Variants in NFASC observed in about 807,000 individuals in gnomAD.
The protein encoded by NFASC is neurofascin homolog.
A neutral mutation model predicts 147.5 loss-of-function variants in NFASC; 43 were observed. The ratio of observed to expected loss-of-function variants is 0.29; its 90% CI spans 0.23 to 0.38. NFASC has a LOEUF of 0.38. Among genes scored for constraint, NFASC ranks in the 10% least tolerant of loss-of-function variants. The pLI, the probability that NFASC is intolerant of heterozygous loss-of-function variation, is 1.00. For missense variants in NFASC, 1,320 were observed against 1,689.0 expected (o/e 0.78, Z 3.83); for synonymous variants, 622 against 665.5 (o/e 0.93, Z 1.01).
intron 1 of NFASC, among the ~76,000 whole-genome samples, chr1:204,847,002 A>G (rs2075234670): frequency 2.0e-5 from 3 of 148,306 alleles, no homozygotes; most frequent in Admixed American, 2.0e-4. Context: ...AGAGGGAGAA[A>G]AGAAGGTGTT....
intron 1 of NFASC, among the ~76,000 whole-genome samples, chr1:204,873,118 G>A (rs543565334): frequency 4.7e-5 from 7 of 150,306 alleles, no homozygotes; most frequent in African/African-American, 1.8e-4. Context: ...AATACTTCCT[G>A]ACAGTGAGGG....
intron 29 of NFASC, among the ~76,000 whole-genome samples, chr1:205,013,348 T>C (rs974537573): frequency 2.6e-5 from 4 of 152,026 alleles, no homozygotes; most frequent in Admixed American, 2.6e-4. Context: ...GAAGGTGGGG[T>C]GATTCCAGGT....
intron 1 of NFASC, among the ~76,000 whole-genome samples, chr1:204,837,046 G>A (rs1038394947): frequency 6.6e-6 from 1 of 152,270 alleles, no homozygotes; most frequent in African/African-American, 2.4e-5. Flanking sequence ...TGACTCAGAA[G>A]TGTGGCATGA....
chr1:204,876,018 T>C (rs968165279), intron 1 of NFASC, among the ~76,000 whole-genome samples: 4 of 152,206 alleles, frequency 2.6e-5, no homozygotes, highest in Admixed American at 1.3e-4. Flanking sequence ...TGGGATGTAT[T>C]GTCTTCCTTC....
intron 21 of NFASC, chr1:204,984,386 T>TATATATATATATATACGC (rs1553306647): frequency 1.4e-4 from 8 of 59,162 alleles, no homozygotes; most frequent in African/African-American, 4.7e-4. Context: ...TATACGCATA[T>TATATATATATATATACGC]ATATATATAT....
chr1:204,870,698 G>A, intron 1 of NFASC: 1 of 1,086,002 alleles, frequency 9.2e-7, no homozygotes, highest in Non-Finnish European at 1.1e-6. Flanking sequence ...GGCCGAGGGA[G>A]GGGTGAGTGG....
intron 1 of NFASC, among the ~76,000 whole-genome samples, chr1:204,919,510 G>A (rs1215136417): frequency 6.6e-6 from 1 of 152,070 alleles, no homozygotes; most frequent in Non-Finnish European, 1.5e-5. Flanking sequence ...AGGTATATAG[G>A]ATATATTTTA....
chr1:204,975,981 G>T lies in NFASC; in HGVS notation c.1706+563G>T, dbSNP rs1174203002. ...AAAGTCCCCCTGGGGGTTCCAGTGTGCATCAGGGTTGAGAACCACTGTTCC... is the reference window on the plus strand; with the variant it reads ...AAAGTCCCCCTGGGGGTTCCAGTGTTCATCAGGGTTGAGAACCACTGTTCC... On this transcript the variant is annotated intron_variant, in intron 15 of 29. Coordinates refer to ENST00000339876, the MANE Select transcript of NFASC (RefSeq NM_001005388.3). This position sits in a 1 kb window ranked among gnomAD's most constrained non-coding sequence, Gnocchi z 4.0. Among the ~76,000 whole-genome samples the T allele has an allele frequency of 6.6e-6, 1 of 152,116 alleles. No individual in the cohort carries two copies. The highest frequency in any genetic ancestry group is 1.5e-5 in the Non-Finnish European group (1 of 68,000).
At chr1:204,907,248 T>A (rs2086202453) in intron 1 of NFASC, among the ~76,000 whole-genome samples, 1 of 152,254 alleles carries the variant, frequency 6.6e-6, no homozygotes, top group Non-Finnish European at 1.5e-5. Flanking sequence ...TTGCCATACA[T>A]ATATCATCTT....
chr1:204,927,529 A>C (rs1255629791), intron 2 of NFASC, among the ~76,000 whole-genome samples: 5 of 152,238 alleles, frequency 3.3e-5, no homozygotes, highest in Non-Finnish European at 7.4e-5. Context: ...TTTTAATGCT[A>C]ATTCCAAGGC....
chr1:204,934,901 A>G (rs1328559327), intron 2 of NFASC, among the ~76,000 whole-genome samples: 2 of 152,198 alleles, frequency 1.3e-5, no homozygotes, highest in Non-Finnish European at 1.5e-5. Flanking sequence ...GGAGGATAGT[A>G]TGGGTGCTGG....
chr1:204,963,603 T>C (rs940780222), intron 8 of NFASC, among the ~76,000 whole-genome samples: 1 of 152,222 alleles, frequency 6.6e-6, no homozygotes, highest in African/African-American at 2.4e-5. Flanking sequence ...GTGGGACTTA[T>C]GAGATCCATC....
At chr1:205,007,713 A>G (rs1045671721) in intron 27 of NFASC, among the ~76,000 whole-genome samples, 16 of 152,182 alleles carry the variant, frequency 1.1e-4, no homozygotes, top group Non-Finnish European at 1.9e-4. Context: ...AAGGCCCTGC[A>G]GTAGGAATGA....
intron 28 of NFASC, 148 bp from the exon 29 acceptor site, chr1:205,012,649 C>T (rs1378475135): frequency 2.9e-6 from 2 of 683,512 alleles, no homozygotes; most frequent in Non-Finnish European, 5.4e-6. Context: ...GAAGCAAAAA[C>T]AAGGGAGGCG....
intron 1 of NFASC, among the ~76,000 whole-genome samples, chr1:204,875,073 TTTGTTG>T (rs3046329): frequency 0.038 from 5,664 of 150,828 alleles, 307 homozygotes; most frequent in African/African-American, 0.12. Context: ...GTGGGTCTGC[TTTGTTG>T]TTGTTGTTGT....
intron 1 of NFASC, among the ~76,000 whole-genome samples, chr1:204,890,326 A>T (rs908538596): frequency 1.3e-5 from 2 of 152,174 alleles, no homozygotes; most frequent in Non-Finnish European, 2.9e-5. Context: ...CAGAGCCCCC[A>T]TGTGATTGAG....
intron 27 of NFASC, among the ~76,000 whole-genome samples, chr1:205,004,561 T>TGTC (rs2096066895): frequency 6.6e-6 from 1 of 152,214 alleles, no homozygotes; most frequent in Non-Finnish European, 1.5e-5. Context: ...TGGAAATTAC[T>TGTC]GTCTGCAAAC....
intron 1 of NFASC, among the ~76,000 whole-genome samples, chr1:204,831,782 C>T (rs1672288226): frequency 6.6e-6 from 1 of 152,090 alleles, no homozygotes. Context: ...AACAAAGATC[C>T]ATTAAGCCCT....
At chr1:204,984,382 CATATATATATAT>C (rs55787898) in intron 21 of NFASC, 22 of 134,252 alleles carry the variant, frequency 1.6e-4, no homozygotes, top group Non-Finnish European at 2.0e-4. Flanking sequence ...TATATATACG[CATATATATATAT>C]ATATATATAT....
Sources: gnomAD v4.1 joint callset for allele counts (sites outside exome capture counted in the v4.1 genomes callset) on GRCh38, gnomAD v4.1.1 for gene constraint, Gnocchi (gnomAD v3.1) non-coding constraint, MANE v1.5 for transcripts, NCBI Gene and HGNC (gene_info 2026-07-23, HGNC 2026-07-21) for gene names.